NCF2: variants seen among roughly 807,000 people sequenced by gnomAD.
NCF2 encodes the protein neutrophil cytosol factor 2.
NCF2 carries 45 observed loss-of-function variants against 70.9 expected under a neutral mutation model. The observed-to-expected ratio is 0.63, with a 90% CI of 0.50 to 0.81. The LOEUF is 0.81. Among genes scored for constraint, NCF2 ranks in the 40% least tolerant of loss-of-function variants. The probability of loss-of-function intolerance (pLI) is 0.00; values close to 1 mark genes in which losing one functional copy is unlikely to be tolerated. For synonymous variants in NCF2, 203 were observed against 233.6 expected, an observed-to-expected ratio of 0.87 and a Z score of 1.19; for missense variants, 522 against 631.6, an observed-to-expected ratio of 0.83 and a Z score of 1.86.
chr1:183,559,277 C>CT (rs1418599050), intron 14 of NCF2, among the ~76,000 whole-genome samples: 3 of 152,206 alleles, frequency 2.0e-5, no homozygotes, highest in Non-Finnish European at 2.9e-5. Flanking sequence ...ATCCTCCTAC[C>CT]TCAGCCTCCC....
At chr1:183,565,599 G>T in intron 10 of NCF2, 105 bp downstream of exon 10, 1 of 1,148,300 alleles carries the variant, frequency 8.7e-7, no homozygotes, top group East Asian at 2.4e-5. Flanking sequence ...GACATGTTGG[G>T]AGAAGAAGAA....
the NCF2 span, among the ~76,000 whole-genome samples, chr1:183,599,098 T>C: frequency 2.6e-5 from 4 of 152,218 alleles, no homozygotes; most frequent in African/African-American, 9.6e-5. Flanking sequence ...AAACAAACTC[T>C]TGACCAGGTA....
the NCF2 span, among the ~76,000 whole-genome samples, chr1:183,596,805 T>C: frequency 3.3e-5 from 5 of 152,144 alleles, no homozygotes; most frequent in Non-Finnish European, 7.4e-5. Flanking sequence ...CATCTGTCCA[T>C]CTGTAAAAGC....
rs1213412723 is a variant in NCF2, at chr1:183,590,304, A to G, written c.26T>C (p.Leu9Pro). MSLVEAISLWNEGVLAADK... is the reference protein window; with the variant it reads MSLVEAISPWNEGVLAADK... ...CGCTGCCAGCACCCCTTCATTCCAG[A>G]GGCTGATGGCCTCCACCAGGGACAT... Residue 9 changes from leucine (L) to proline (P), a missense_variant, in exon 1 of 15, where the codon CTC (leucine) becomes CCC (proline). By Grantham distance (98) the Leu-to-Pro change is moderately conservative. Coordinates refer to ENST00000367535, the MANE Select transcript of NCF2 (RefSeq NM_000433.4). 6.2e-7 allele frequency: 1 copy of G among 1,613,914 alleles called. No homozygotes were observed. The highest frequency in any genetic ancestry group is 8.5e-7 in the Non-Finnish European group (1 of 1,180,010).
rs757295495 is a variant in NCF2 at position 183,569,153 on chromosome 1, T to C, written c.702A>G (p.Pro234=). 4 of 1,613,948 alleles carry C rather than the reference T, an allele frequency of 2.5e-6. No individual in the cohort carries two copies. The highest frequency in any genetic ancestry group is 1.1e-5 in the South Asian group (1 of 91,082). ...TGAATCTAACTTACCTGAAGATCTC[T>C]GGGGTTTTCGGTCTGGGTGGAGGCT... ...AAEPPPRPKT[P]EIFRALEGEA... is the part of the protein sequence containing the mutation. The change falls in exon 7 of 15, where the codon CCA becomes CCG. Residue 234 remains proline, a synonymous_variant. Coordinates refer to ENST00000367535, the MANE Select transcript of NCF2 (RefSeq NM_000433.4).
the NCF2 span, among the ~76,000 whole-genome samples, chr1:183,599,441 T>TCTTTCTTTC: frequency 6.4e-4 from 63 of 98,872 alleles, no homozygotes; most frequent in African/African-American, 1.1e-3. Context: ...TTTCTTTCTT[T>TCTTTCTTTC]CTTTCTTTCT....
the NCF2 span, among the ~76,000 whole-genome samples, chr1:183,599,906 A>G: frequency 2.0e-5 from 3 of 152,108 alleles, no homozygotes; most frequent in South Asian, 2.1e-4. Context: ...GGAAGGTGCC[A>G]TCTACCAATA....
Position 183,556,045 on chromosome 1 carries a change from G to C in NCF2, c.*73C>G. ...CTGTAATGTCTCAGTACAGTATACA[G>C]CAGAAGGGTGCTAAATCTTACAAAC... is the stretch of plus-strand genomic sequence containing the variant. On this transcript the variant is annotated 3_prime_UTR_variant, in exon 15 of 15. Transcript: ENST00000367535. The C allele has an allele frequency of 2.5e-6, 3 of 1,220,476 alleles. No homozygotes were observed. The South Asian group carries it at 3.6e-5, about 15-fold the overall frequency. 75.6% of individuals were successfully genotyped at this position (1,220,476 alleles called of 1,614,324 possible).
At chr1:183,574,206 T>TG (rs1472781071) in intron 4 of NCF2, among the ~76,000 whole-genome samples, 1 of 152,232 alleles carries the variant, frequency 6.6e-6, no homozygotes, top group African/African-American at 2.4e-5. Context: ...GCTTAGAGTC[T>TG]GTGCAGCACT....
the NCF2 span, chr1:183,597,668 T>C: frequency 3.3e-5 from 5 of 152,258 alleles, no homozygotes; most frequent in Non-Finnish European, 7.3e-5. Flanking sequence ...TTTGTGTTCA[T>C]GTATACTCAA....
chr1:183,586,766 C>T (rs1451044943), intron 2 of NCF2, 129 bp downstream of exon 2: 2 of 844,980 alleles, frequency 2.4e-6, no homozygotes, highest in Admixed American at 1.9e-5. Context: ...CATAACTGTC[C>T]CCAGAAGGGC....
chr1:183,599,485 TTTTC>T, the NCF2 span, among the ~76,000 whole-genome samples: 20 of 56,482 alleles, frequency 3.5e-4, no homozygotes, highest in South Asian at 1.1e-3. Flanking sequence ...TTTCTTTCTC[TTTTC>T]TTTCTTTCTC....
At position 183,556,059 on chromosome 1, in the gene NCF2, A is replaced by T; in HGVS notation, c.*59T>A. On this transcript the variant is annotated 3_prime_UTR_variant, in exon 15 of 15. Transcript: ENST00000367535. ...TACAGTATACAGCAGAAGGGTGCTA[A>T]ATCTTACAAACAAGTAATAGGGCTT... The T allele has an allele frequency of 7.1e-6, 10 of 1,410,198 alleles. No homozygotes were observed. In the South Asian group the frequency reaches 9.2e-5, roughly 13 times the overall value. The allele number at this position is 1,410,198 out of a possible 1,614,324, so 87.4% of individuals were successfully genotyped here.
At chr1:183,561,323 CA>C (rs1427307879) in intron 13 of NCF2, among the ~76,000 whole-genome samples, 10 of 152,106 alleles carry the variant, frequency 6.6e-5, no homozygotes, top group Non-Finnish European at 1.5e-4. Flanking sequence ...TATTGAGAGG[CA>C]ATACAATGAG....
At chr1:183,571,938 T>G (rs753644811) in intron 5 of NCF2, among the ~76,000 whole-genome samples, 16 of 152,220 alleles carry the variant, frequency 1.1e-4, no homozygotes, top group Non-Finnish European at 2.2e-4. Context: ...TCCATTCCTT[T>G]TTATGGCTAC....
At chr1:183,590,801 G>A, upstream of NCF2, 1 of 213,622 alleles carries the variant, frequency 4.7e-6, no homozygotes, top group South Asian at 6.3e-5. Context: ...GCAGCCAAAT[G>A]CCTAGGCAGA....
rs2102898444 is a variant in NCF2 at position 183,570,839 on chromosome 1, C to T, written c.610G>A (p.Val204Ile). The part of the protein sequence containing the change: ...AKKDYLGKAT[V>I]VASVVDQDSF... ...TCTTGATCCACCACAGATGCCACGA[C>T]CTAAAATCAAGGACAGGAGGGTGTG... Residue 204 changes from valine (V) to isoleucine (I), a missense_variant and splice_region_variant, in exon 6 of 15, where the codon GTC becomes ATC. Coordinates refer to ENST00000367535, the MANE Select transcript of NCF2 (RefSeq NM_000433.4). 2.5e-6 allele frequency: 4 copies of T among 1,614,154 alleles called. No homozygotes were observed. In the East Asian group the frequency reaches 6.7e-5, roughly 27 times the overall value.
At chr1:183,593,562 C>T (rs912973980), upstream of NCF2, among the ~76,000 whole-genome samples, 6 of 152,134 alleles carry the variant, frequency 3.9e-5, no homozygotes, top group African/African-American at 1.2e-4. Context: ...TTCCTCCGCC[C>T]ATGTAACACT....
chr1:183,582,535 C>T (rs1362864081), intron 2 of NCF2, among the ~76,000 whole-genome samples: 1 of 152,214 alleles, frequency 6.6e-6, no homozygotes, highest in East Asian at 1.9e-4. Flanking sequence ...TCCCATGCTG[C>T]CAGTGCCCCA....
Sources: allele counts gnomAD v4.1 joint callset (sites outside exome capture counted in the v4.1 genomes callset), GRCh38; gene constraint gnomAD v4.1.1; transcripts MANE v1.5; gene names NCBI Gene and HGNC (gene_info 2026-07-23, HGNC 2026-07-21).